The following ANKS1B variants were observed in gnomAD, a reference collection of about 807,000 sequenced individuals.
ANKS1B encodes ankyrin repeat and sterile alpha motif domain-containing protein 1B.
A neutral mutation model predicts 148.3 loss-of-function variants in ANKS1B; 36 were observed. The observed-to-expected ratio is 0.24, with a 90% CI of 0.19 to 0.32. ANKS1B has a LOEUF of 0.32. Ranked by LOEUF, ANKS1B falls within the 10% of genes least tolerant of loss-of-function variation. ANKS1B has a pLI of 1.00. For synonymous variants in ANKS1B, 542 were observed against 560.8 expected (o/e 0.97, Z 0.47); for missense variants, 1,157 against 1,542.6 (o/e 0.75, Z 4.19).
intron 1 of ANKS1B, among the ~76,000 whole-genome samples, chr12:99,951,370 G>C (rs1288722547): frequency 1.3e-5 from 2 of 151,978 alleles, no homozygotes; most frequent in East Asian, 3.8e-4. Context: ...TCCTCTATTT[G>C]TATCAGGCAA....
intron 9 of ANKS1B, among the ~76,000 whole-genome samples, chr12:99,516,216 AC>A (rs1326921827): frequency 2.0e-5 from 3 of 151,972 alleles, no homozygotes; most frequent in Non-Finnish European, 4.4e-5. Context: ...TTACTCAAAA[AC>A]TTTTTGCCCA....
At chr12:99,714,892 A>G (rs1406123055) in intron 8 of ANKS1B, among the ~76,000 whole-genome samples, 1 of 151,744 alleles carries the variant, frequency 6.6e-6, no homozygotes, top group African/African-American at 2.4e-5. Flanking sequence ...GCCAAGGCAG[A>G]CAGATCACTT....
chr12:99,580,649 T>C (rs2097561841), intron 9 of ANKS1B, among the ~76,000 whole-genome samples: 1 of 152,146 alleles, frequency 6.6e-6, no homozygotes, highest in Non-Finnish European at 1.5e-5. Context: ...AAAAATATGG[T>C]TAGACCTAAG....
intron 10 of ANKS1B, among the ~76,000 whole-genome samples, chr12:99,457,142 T>C (rs1402246712): frequency 6.6e-6 from 1 of 152,094 alleles, no homozygotes; most frequent in Non-Finnish European, 1.5e-5. Context: ...GCCAAGAATT[T>C]TGTGTCCAGT....
intron 18 of ANKS1B, among the ~76,000 whole-genome samples, chr12:98,830,808 T>C (rs1223062170): frequency 6.6e-6 from 1 of 152,108 alleles, no homozygotes; most frequent in African/African-American, 2.4e-5. Context: ...TGCCGGCCAC[T>C]TCTTGCCACT....
At chr12:99,044,613 A>G (rs763143867) in intron 17 of ANKS1B, among the ~76,000 whole-genome samples, 2 of 152,280 alleles carry the variant, frequency 1.3e-5, no homozygotes, top group East Asian at 3.9e-4. Context: ...TATGCACCCA[A>G]GGTAAGTTCT....
In ANKS1B at chr12:99,246,370, T is replaced by C; in HGVS notation, c.2251A>G (p.Thr751Ala). Residue 751 changes from threonine to alanine, a missense_variant, in exon 13 of 27, where the codon ACA (threonine) becomes GCA (alanine). Thr to Ala is a moderately conservative substitution (Grantham distance 58). Transcript: ENST00000683438. ...GATTCACTCCAGTTAACTCTTGATG[T>C]TTTCTCATTGGAAGGATAGGCAATG... ...DLIAYPSNEK[T>A]SRVNWSESST... 6.2e-7 allele frequency: 1 copy of C among 1,613,870 alleles called. No individual in the cohort carries two copies. The highest frequency in any genetic ancestry group is 8.5e-7 in the Non-Finnish European group (1 of 1,179,848).
intron 11 of ANKS1B, among the ~76,000 whole-genome samples, chr12:99,412,561 T>C (rs897582944): frequency 2.0e-5 from 3 of 152,236 alleles, no homozygotes; most frequent in African/African-American, 7.2e-5. Flanking sequence ...GTGGGCTTTT[T>C]CCTCTTGTTT....
At chr12:98,783,798 C>G (rs1010098363) in intron 22 of ANKS1B, among the ~76,000 whole-genome samples, 1 of 152,106 alleles carries the variant, frequency 6.6e-6, no homozygotes, top group Admixed American at 6.6e-5. Context: ...CCGTTGGAAG[C>G]TTTTCACTAG....
At chr12:99,602,714 G>C (rs1440992241) in intron 9 of ANKS1B, among the ~76,000 whole-genome samples, 4 of 152,058 alleles carry the variant, frequency 2.6e-5, no homozygotes. Flanking sequence ...TAGGGCTTCA[G>C]GAAAAGAACA....
chr12:99,934,083 G>A (rs1344246084), intron 1 of ANKS1B, among the ~76,000 whole-genome samples: 4 of 152,104 alleles, frequency 2.6e-5, no homozygotes, highest in African/African-American at 9.7e-5. Flanking sequence ...TGATTGATCT[G>A]TGCATGTTGA....
Position 99,410,497 on chromosome 12 carries a change from G to A in ANKS1B, c.1576-10686C>T, listed in dbSNP as rs539152463. ...ATCCCGGCTAACACGGTGAAACCCCGTCTCTACTAAAAATACAAAAAATTA... is the reference window on the plus strand; with the variant it reads ...ATCCCGGCTAACACGGTGAAACCCCATCTCTACTAAAAATACAAAAAATTA... On this transcript the variant is annotated intron_variant, in intron 11 of 26. Transcript: ENST00000683438. Among the ~76,000 whole-genome samples, 5 of 152,172 alleles carry A rather than the reference G, an allele frequency of 3.3e-5. No homozygotes were observed. In the East Asian group the frequency reaches 7.8e-4, roughly 24 times the overall value.
chr12:99,073,355 T>C (rs1203258345), intron 16 of ANKS1B, among the ~76,000 whole-genome samples: 2 of 152,228 alleles, frequency 1.3e-5, no homozygotes, highest in Non-Finnish European at 2.9e-5. Context: ...CCCTGGAGTT[T>C]AATGCTCTAA....
chr12:98,798,498 A>G (rs1367336567), intron 22 of ANKS1B, among the ~76,000 whole-genome samples: 2 of 152,100 alleles, frequency 1.3e-5, no homozygotes, highest in Non-Finnish European at 2.9e-5. Context: ...AAATAAAAAA[A>G]AAAAACTGAG....
intron 17 of ANKS1B, among the ~76,000 whole-genome samples, chr12:98,867,020 C>A (rs547126571): frequency 6.6e-6 from 1 of 152,240 alleles, no homozygotes; most frequent in Non-Finnish European, 1.5e-5. Context: ...CACAAATAAG[C>A]CCCATGTGGA....
chr12:99,003,980 G>A (rs1039119681), intron 17 of ANKS1B, among the ~76,000 whole-genome samples: 4 of 152,210 alleles, frequency 2.6e-5, no homozygotes, highest in East Asian at 1.9e-4. Flanking sequence ...AGCTGGCGAA[G>A]GATTCTGGAA....
chr12:99,526,936 A>G (rs1362627107), intron 9 of ANKS1B, among the ~76,000 whole-genome samples: 1 of 152,224 alleles, frequency 6.6e-6, no homozygotes, highest in East Asian at 1.9e-4. Flanking sequence ...GTCGTTATAA[A>G]AAGAAGAAAT....
chr12:99,648,619 T>A (rs1469481614), intron 9 of ANKS1B: 5 of 1,614,234 alleles, frequency 3.1e-6, no homozygotes, highest in Non-Finnish European at 4.2e-6. Flanking sequence ...CCGCTCTTTT[T>A]ATCTTCAGCT....
chr12:98,912,799 A>C (rs764283969), intron 17 of ANKS1B, among the ~76,000 whole-genome samples: 10 of 152,168 alleles, frequency 6.6e-5, no homozygotes, highest in Non-Finnish European at 1.2e-4. Context: ...GTTCAGAAAG[A>C]AGCAAGACTA....
Sources: gnomAD v4.1 joint callset for allele counts (sites outside exome capture counted in the v4.1 genomes callset) on GRCh38, gnomAD v4.1.1 for gene constraint, MANE v1.5 for transcripts, NCBI Gene and HGNC (gene_info 2026-07-23, HGNC 2026-07-21) for gene names.